Variants in KLF8 observed in about 807,000 individuals in gnomAD.
KLF8 encodes the protein KLF transcription factor 8.
In KLF8, 10 loss-of-function variants were observed where a neutral mutation model predicts 18.2. That is an observed-to-expected ratio of 0.55 (90% confidence interval 0.34 to 0.93). The LOEUF is 0.93. Among genes scored for constraint, KLF8 ranks in the 40% least tolerant of loss-of-function variants. The pLI, the probability that KLF8 is intolerant of heterozygous loss-of-function variation, is 0.02. For missense variants in KLF8, 264 were observed against 277.9 expected, an observed-to-expected ratio of 0.95 and a Z score of 0.36; for synonymous variants, 109 against 97.3, an observed-to-expected ratio of 1.12 and a Z score of -0.71.
At chrX:56,235,588 G>A (rs1295913594) in intron 1 of KLF8, among the ~76,000 whole-genome samples, 1 of 109,420 alleles carries the variant, frequency 9.1e-6, no homozygotes, top group Non-Finnish European at 1.9e-5. Context: ...GGCTAATTTT[G>A]TATTTTTAGT....
At chrX:56,105,595 A>G in the KLF8 span, among the ~76,000 whole-genome samples, 43 of 100,586 alleles carry the variant, frequency 4.3e-4, 1 homozygote, top group Non-Finnish European at 2.0e-4. Context: ...TTTTGAGCCT[A>G]TGTGTGTCTC....
At chrX:56,170,730 AAAG>A in the KLF8 span, among the ~76,000 whole-genome samples, 1 of 111,367 alleles carries the variant, frequency 9.0e-6, no homozygotes, top group Non-Finnish European at 1.9e-5. Flanking sequence ...TATTGATCTT[AAAG>A]AAGAAGTAGA....
the KLF8 span, among the ~76,000 whole-genome samples, chrX:55,939,528 C>T: frequency 9.0e-6 from 1 of 111,536 alleles, no homozygotes; most frequent in Non-Finnish European, 1.9e-5. Flanking sequence ...ACTAAGATCA[C>T]AGCAGAACTG....
chrX:56,047,116 C>G, the KLF8 span, among the ~76,000 whole-genome samples: 1,005 of 109,567 alleles, frequency 9.2e-3, 14 homozygotes, highest in African/African-American at 0.032. Flanking sequence ...TGTCTTTGAG[C>G]TCTGAGTTTC....
chrX:56,154,638 A>C, the KLF8 span, among the ~76,000 whole-genome samples: 1 of 112,324 alleles, frequency 8.9e-6, no homozygotes, highest in South Asian at 3.7e-4. Context: ...TCTGCATAGC[A>C]AAAGAAACTA....
the KLF8 span, among the ~76,000 whole-genome samples, chrX:56,045,120 G>A: frequency 9.0e-6 from 1 of 111,707 alleles, no homozygotes; most frequent in African/African-American, 3.3e-5. Context: ...CGTATGGCTT[G>A]CTAGTTATTC....
the KLF8 span, among the ~76,000 whole-genome samples, chrX:56,176,939 G>T: frequency 9.0e-6 from 1 of 111,709 alleles, no homozygotes; most frequent in African/African-American, 3.3e-5. Context: ...CTCGTGCCTT[G>T]GTTTTCAGCT....
chrX:56,216,002 G>A, the KLF8 span, among the ~76,000 whole-genome samples: 6 of 107,190 alleles, frequency 5.6e-5, no homozygotes, highest in Non-Finnish European at 7.7e-5. Flanking sequence ...ATTGTTTCTC[G>A]GTGAACGACA....
chrX:56,064,087 A>G, the KLF8 span, among the ~76,000 whole-genome samples: 27 of 103,663 alleles, frequency 2.6e-4, no homozygotes, highest in South Asian at 8.3e-3. Context: ...ATGTGTGTGT[A>G]TATATACATA....
the KLF8 span, among the ~76,000 whole-genome samples, chrX:56,186,927 A>G: frequency 8.9e-6 from 1 of 112,236 alleles, no homozygotes; most frequent in Non-Finnish European, 1.9e-5. Flanking sequence ...AAAGCAGGAA[A>G]GATCCAAAAT....
the KLF8 span, among the ~76,000 whole-genome samples, chrX:55,950,240 TAGAG>T: frequency 9.0e-6 from 1 of 110,541 alleles, no homozygotes; most frequent in African/African-American, 3.3e-5. Flanking sequence ...GCACATCTAA[TAGAG>T]AGGTGTAATG....
At chrX:56,055,875 C>T in the KLF8 span, among the ~76,000 whole-genome samples, 1 of 111,495 alleles carries the variant, frequency 9.0e-6, no homozygotes, top group East Asian at 2.8e-4. Flanking sequence ...CTTTTGATTG[C>T]ATTATGAAAT....
chrX:55,956,097 G>A, the KLF8 span, among the ~76,000 whole-genome samples: 5 of 109,893 alleles, frequency 4.5e-5, no homozygotes, highest in Non-Finnish European at 9.5e-5. Flanking sequence ...CTAATCACAT[G>A]AGCGAATTCC....
the KLF8 span, among the ~76,000 whole-genome samples, chrX:55,919,592 G>C: frequency 9.3e-3 from 1,036 of 110,996 alleles, 12 homozygotes; most frequent in African/African-American, 0.032. Flanking sequence ...GGTGAGGCCT[G>C]TGACTGCCAG....
the KLF8 span, among the ~76,000 whole-genome samples, chrX:55,912,578 T>C: frequency 8.9e-6 from 1 of 111,916 alleles, no homozygotes; most frequent in African/African-American, 3.2e-5. Flanking sequence ...TGCCATTTTA[T>C]AATTGAGAAA....
chrX:56,177,142 T>C, the KLF8 span, among the ~76,000 whole-genome samples: 6 of 111,942 alleles, frequency 5.4e-5, no homozygotes, highest in Admixed American at 9.5e-5. Context: ...CCATTTCTGG[T>C]GAGGAGCTGC....
chrX:56,044,160 A>G, the KLF8 span, among the ~76,000 whole-genome samples: 2 of 111,464 alleles, frequency 1.8e-5, no homozygotes, highest in Non-Finnish European at 3.8e-5. Context: ...AACAACAAAG[A>G]TGGCAGCCAG....
intron 1 of KLF8, among the ~76,000 whole-genome samples, chrX:56,246,127 C>T (rs1448462175): frequency 1.8e-5 from 2 of 111,374 alleles, no homozygotes; most frequent in Non-Finnish European, 3.8e-5. Flanking sequence ...TAATTGTCAG[C>T]TCTCCCTCTT....
At chrX:56,028,008 G>A in the KLF8 span, among the ~76,000 whole-genome samples, 1 of 112,386 alleles carries the variant, frequency 8.9e-6, no homozygotes, top group Non-Finnish European at 1.9e-5. Context: ...CAGGGCTGTA[G>A]CTGGCAGGAC....
Sources: allele counts gnomAD v4.1 joint callset (sites outside exome capture counted in the v4.1 genomes callset), GRCh38; gene constraint gnomAD v4.1.1; transcripts MANE v1.5; gene names NCBI Gene and HGNC (gene_info 2026-07-23, HGNC 2026-07-21).